Variants in DACH2 observed in about 807,000 individuals in gnomAD.
DACH2 encodes the protein dachshund homolog 2.
In DACH2, 17 loss-of-function variants were observed where a neutral mutation model predicts 35.8. The observed-to-expected ratio is 0.48, with a 90% CI of 0.33 to 0.71. The LOEUF (loss-of-function observed/expected upper bound fraction) is 0.71. DACH2 is among the 30% of genes least tolerant of loss of function. DACH2 has a pLI of 0.02. For missense variants in DACH2, 469 were observed against 472.7 expected (o/e 0.99, Z 0.07); for synonymous variants, 195 against 177.3 (o/e 1.10, Z -0.79).
intron 2 of DACH2, among the ~76,000 whole-genome samples, chrX:86,474,625 G>A (rs890089815): frequency 2.7e-5 from 3 of 112,062 alleles, no homozygotes; most frequent in African/African-American, 9.7e-5. Flanking sequence ...CTTTTTCCCA[G>A]TATATGTTCT....
At chrX:86,590,441 T>C in intron 3 of DACH2, among the ~76,000 whole-genome samples, 1 of 111,769 alleles carries the variant, frequency 8.9e-6, no homozygotes, top group African/African-American at 3.3e-5. Flanking sequence ...GAGAGAATAT[T>C]GTTTAGTAAC....
At chrX:86,639,843 T>C (rs953696344) in intron 3 of DACH2, among the ~76,000 whole-genome samples, 1 of 111,229 alleles carries the variant, frequency 9.0e-6, no homozygotes, top group African/African-American at 3.3e-5. Context: ...TACCAAAACA[T>C]GGTCAGACTG....
intron 3 of DACH2, among the ~76,000 whole-genome samples, chrX:86,628,254 A>C (rs1198477350): frequency 8.9e-6 from 1 of 112,211 alleles, no homozygotes; most frequent in Non-Finnish European, 1.9e-5. Flanking sequence ...AAAATTAATA[A>C]ATGATTAGTT....
intron 1 of DACH2, among the ~76,000 whole-genome samples, chrX:86,307,196 G>A (rs776708818): frequency 2.2e-4 from 25 of 111,850 alleles, no homozygotes; most frequent in African/African-American, 6.5e-4. Flanking sequence ...CAAGGATTCT[G>A]TCTCCTGGCT....
At chrX:86,711,114 G>A (rs1438383992) in intron 5 of DACH2, among the ~76,000 whole-genome samples, 3 of 112,196 alleles carry the variant, frequency 2.7e-5, no homozygotes. Context: ...TGTGGCTCAC[G>A]CCTGTAATCC....
At chrX:86,669,900 G>A (rs886852998) in intron 4 of DACH2, among the ~76,000 whole-genome samples, 5 of 106,908 alleles carry the variant, frequency 4.7e-5, no homozygotes, top group African/African-American at 1.4e-4. Context: ...CTAGCATTAG[G>A]TTTTTTTTTT....
At chrX:86,607,747 C>G (rs1174926883) in intron 3 of DACH2, among the ~76,000 whole-genome samples, 1 of 60,456 alleles carries the variant, frequency 1.7e-5, no homozygotes, top group African/African-American at 6.1e-5. Context: ...CTCCCCCCTC[C>G]CCCCACCCCA....
intron 1 of DACH2, among the ~76,000 whole-genome samples, chrX:86,291,265 C>CACT (rs2034285123): frequency 1.9e-5 from 2 of 104,912 alleles, no homozygotes; most frequent in Admixed American, 2.1e-4. Context: ...GATTTTTGTA[C>CACT]ATTGATTTTG....
At chrX:86,400,409 C>G (rs1382227573) in intron 2 of DACH2, among the ~76,000 whole-genome samples, 1 of 111,748 alleles carries the variant, frequency 8.9e-6, no homozygotes, top group Non-Finnish European at 1.9e-5. Context: ...CAGCTTTATT[C>G]CATTGCTAGT....
intron 2 of DACH2, among the ~76,000 whole-genome samples, chrX:86,379,404 A>G (rs373176223): frequency 1.0e-4 from 11 of 110,324 alleles, no homozygotes; most frequent in East Asian, 5.8e-4. Flanking sequence ...CTGTGCTACA[A>G]TGCTTTTGAC....
chrX:86,222,377 A>G (rs2032731815), intron 1 of DACH2, among the ~76,000 whole-genome samples: 1 of 112,005 alleles, frequency 8.9e-6, no homozygotes, highest in African/African-American at 3.2e-5. Context: ...TCCAGAAACC[A>G]TTTTAGAAAT....
chrX:86,821,877 A>T (rs2042516322), intron 11 of DACH2, among the ~76,000 whole-genome samples: 1 of 111,955 alleles, frequency 8.9e-6, no homozygotes, highest in Non-Finnish European at 1.9e-5. Flanking sequence ...AAATAGTGAG[A>T]CTTGCCAGCC....
At chrX:86,214,511 A>G (rs907380212) in intron 1 of DACH2, among the ~76,000 whole-genome samples, 18 of 112,096 alleles carry the variant, frequency 1.6e-4, no homozygotes, top group Admixed American at 1.4e-3. Context: ...TGGGTGAGTC[A>G]GAGATCTCTA....
intron 2 of DACH2, among the ~76,000 whole-genome samples, chrX:86,413,638 T>C (rs2036652214): frequency 9.0e-6 from 1 of 111,504 alleles, no homozygotes; most frequent in African/African-American, 3.3e-5. Context: ...CCTTGGATGC[T>C]ATATTGTTTT....
intron 2 of DACH2, among the ~76,000 whole-genome samples, chrX:86,454,368 G>A (rs1376738285): frequency 9.0e-6 from 1 of 111,428 alleles, no homozygotes; most frequent in African/African-American, 3.3e-5. Flanking sequence ...TCTGGAGTAT[G>A]TTTTCCAATT....
At chrX:86,250,395 A>G (rs973145914) in intron 1 of DACH2, among the ~76,000 whole-genome samples, 1 of 111,249 alleles carries the variant, frequency 9.0e-6, no homozygotes, top group African/African-American at 3.3e-5. Context: ...TTATTTTGGT[A>G]TAATAGGAAT....
At chrX:86,696,544 A>T (rs2041069698) in intron 5 of DACH2, among the ~76,000 whole-genome samples, 1 of 111,885 alleles carries the variant, frequency 8.9e-6, no homozygotes, top group Admixed American at 9.6e-5. Context: ...CCATCCTTGC[A>T]ACTAGAAAAA....
intron 2 of DACH2, among the ~76,000 whole-genome samples, chrX:86,427,429 A>G (rs1033222913): frequency 9.0e-6 from 1 of 111,428 alleles, no homozygotes; most frequent in Non-Finnish European, 1.9e-5. Flanking sequence ...ATTTATTTCT[A>G]TGAAATAAAT....
chrX:86,501,301 T>C (rs1261163781), intron 2 of DACH2, among the ~76,000 whole-genome samples: 1 of 111,903 alleles, frequency 8.9e-6, no homozygotes, highest in Non-Finnish European at 1.9e-5. Context: ...GAAATGCTCA[T>C]GTAACTGCAA....
Sources: gnomAD v4.1 joint callset for allele counts (sites outside exome capture counted in the v4.1 genomes callset) on GRCh38, gnomAD v4.1.1 for gene constraint, MANE v1.5 for transcripts, NCBI Gene and HGNC (gene_info 2026-07-23, HGNC 2026-07-21) for gene names.